PREX2: variants seen among roughly 807,000 people sequenced by gnomAD.
PREX2 encodes phosphatidylinositol-3,4,5-trisphosphate dependent Rac exchange factor 2, also known as phosphatidylinositol 3,4,5-trisphosphate-dependent Rac exchanger 2 protein.
In PREX2, 107 loss-of-function variants were observed where a neutral mutation model predicts 203.2. The ratio of observed to expected loss-of-function variants is 0.53; its 90% CI spans 0.45 to 0.62. The LOEUF is 0.62. Ranked by LOEUF, PREX2 falls within the 20% of genes least tolerant of loss-of-function variation. The probability of loss-of-function intolerance (pLI) is 0.00; values close to 1 mark genes in which losing one functional copy is unlikely to be tolerated. For missense variants in PREX2, 1,777 were observed against 1,955.9 expected (o/e 0.91, Z 1.72); for synonymous variants, 672 against 663.6 (o/e 1.01, Z -0.19).
At chr8:68,067,562 G>A (rs1388647656) in intron 11 of PREX2, among the ~76,000 whole-genome samples, 1 of 151,800 alleles carries the variant, frequency 6.6e-6, no homozygotes, top group East Asian at 1.9e-4. Flanking sequence ...AGTATATGGA[G>A]ACACTACTGA....
chr8:68,024,745 A>G (rs1273479102), intron 4 of PREX2, among the ~76,000 whole-genome samples: 1 of 151,798 alleles, frequency 6.6e-6, no homozygotes, highest in Non-Finnish European at 1.5e-5. Flanking sequence ...TTTTGTGTCA[A>G]TCAAGCATTT....
Position 68,190,973 on chromosome 8 carries a change from A to T in PREX2, c.4347-749A>T, listed in dbSNP as rs980861706. Among the ~76,000 whole-genome samples, 43 of 152,094 alleles carry T rather than the reference A, an allele frequency of 2.8e-4. 2 individuals carry two copies. The highest frequency in any genetic ancestry group is 2.7e-3 in the Admixed American group (41 of 15,266). ...GCAGGCCACTAGGATTCCACTTTGC[A>T]TATTAAAATGGCTATTTTAATACAC... On this transcript the variant is annotated intron_variant, in intron 35 of 39. Transcript: ENST00000288368.
intron 1 of PREX2, among the ~76,000 whole-genome samples, chr8:67,955,397 T>C (rs1378934448): frequency 2.0e-5 from 3 of 152,142 alleles, no homozygotes; most frequent in African/African-American, 7.2e-5. Context: ...TGAACAAAGC[T>C]CTGTGTCTTC....
chr8:67,981,163 G>A (rs1015517074), intron 1 of PREX2, among the ~76,000 whole-genome samples: 1 of 152,098 alleles, frequency 6.6e-6, no homozygotes, highest in Admixed American at 6.6e-5. Flanking sequence ...AAAGATGTTG[G>A]GTGTTTCCAA....
intron 1 of PREX2, among the ~76,000 whole-genome samples, chr8:68,004,070 T>C (rs1271171889): frequency 1.3e-5 from 2 of 152,108 alleles, no homozygotes; most frequent in Admixed American, 1.3e-4. Flanking sequence ...TTGGCCTGAC[T>C]CTTTTAACTC....
At position 68,032,084 on chromosome 8, in the gene PREX2, A is replaced by G. The variant is rs531054431; in HGVS notation, c.705+1426A>G. 1.9e-4 allele frequency among the ~76,000 whole-genome samples: 29 copies of G among 152,284 alleles called. No homozygotes were observed. The South Asian group carries it at 2.1e-3, about 11-fold the overall frequency. On this transcript the variant is annotated intron_variant, in intron 6 of 39. Coordinates refer to ENST00000288368, the MANE Select transcript of PREX2 (RefSeq NM_024870.4). ...TTATACAGTATACACCAGTTACTCA[A>G]AGGAAGAATGAATGTAGGTGGAACT...
At chr8:68,165,859 T>A (rs118010433) in intron 35 of PREX2, among the ~76,000 whole-genome samples, 72 of 152,304 alleles carry the variant, frequency 4.7e-4, no homozygotes, top group Non-Finnish European at 8.8e-5. Flanking sequence ...TACAAGAAGA[T>A]GTCCATAGTG....
intron 1 of PREX2, among the ~76,000 whole-genome samples, chr8:67,973,400 A>T (rs907451516): frequency 6.6e-6 from 1 of 152,146 alleles, no homozygotes; most frequent in Non-Finnish European, 1.5e-5. Context: ...AATCTCTCCG[A>T]TAGGGTTCTC....
At chr8:68,086,755 T>A (rs1010777188) in intron 18 of PREX2, among the ~76,000 whole-genome samples, 2 of 152,186 alleles carry the variant, frequency 1.3e-5, no homozygotes, top group Non-Finnish European at 2.9e-5. Context: ...CTTTTTTCTT[T>A]TTTTAATGTA....
chr8:68,018,881 T>C (rs1422936944), intron 2 of PREX2, among the ~76,000 whole-genome samples: 1 of 152,254 alleles, frequency 6.6e-6, no homozygotes, highest in Non-Finnish European at 1.5e-5. Flanking sequence ...CTTCTGACTC[T>C]ATTTCCCCAT....
At chr8:67,999,724 T>A (rs545277134) in intron 1 of PREX2, among the ~76,000 whole-genome samples, 1 of 152,284 alleles carries the variant, frequency 6.6e-6, no homozygotes, top group East Asian at 1.9e-4. Context: ...AACAAAATAC[T>A]TACAAACTGA....
intron 22 of PREX2, among the ~76,000 whole-genome samples, chr8:68,098,974 A>ATC (rs1440604593): frequency 9.9e-5 from 13 of 131,676 alleles, no homozygotes; most frequent in South Asian, 5.0e-4. Context: ...ATATATATAT[A>ATC]TATCTCACAT....
At chr8:68,053,000 C>T in intron 8 of PREX2, 97 bp from the exon 9 acceptor site, 2 of 1,028,412 alleles carry the variant, frequency 1.9e-6, no homozygotes, top group Non-Finnish European at 2.9e-6. Flanking sequence ...TTGAACAATT[C>T]AGTGGTTTTG....
At chr8:68,083,184 C>T (rs546741751) in intron 17 of PREX2, 56 bp from the exon 18 acceptor site, 2 of 1,374,316 alleles carry the variant, frequency 1.5e-6, no homozygotes, top group East Asian at 2.4e-5. Flanking sequence ...TTGTGAAAAA[C>T]TCAAAATTTC....
intron 33 of PREX2, among the ~76,000 whole-genome samples, chr8:68,138,893 G>A (rs1001475990): frequency 6.6e-6 from 1 of 152,096 alleles, no homozygotes; most frequent in Non-Finnish European, 1.5e-5. Context: ...AGGCTAGAAG[G>A]TGTAAGCTTC....
At chr8:67,968,046 A>G (rs760587834) in intron 1 of PREX2, among the ~76,000 whole-genome samples, 1 of 149,914 alleles carries the variant, frequency 6.7e-6, no homozygotes, top group Non-Finnish European at 1.5e-5. Flanking sequence ...CATGTTGTGC[A>G]CATGTACCCT....
chr8:67,989,670 T>C (rs1466304390), intron 1 of PREX2, among the ~76,000 whole-genome samples: 1 of 152,238 alleles, frequency 6.6e-6, no homozygotes, highest in African/African-American at 2.4e-5. Flanking sequence ...GTCTCAGTAT[T>C]ACGTAAAAAT....
chr8:67,976,539 CGGGAGAGAGACAG>C (rs1806099725), intron 1 of PREX2, among the ~76,000 whole-genome samples: 1 of 40,314 alleles, frequency 2.5e-5, no homozygotes. Flanking sequence ...GAGAGAGAGA[CGGGAGAGAGACAG>C]AGAGAGAGAG....
chr8:68,112,891 T>C (rs191592489), intron 25 of PREX2, among the ~76,000 whole-genome samples: 1 of 152,320 alleles, frequency 6.6e-6, no homozygotes, highest in Non-Finnish European at 1.5e-5. Context: ...GCATCGTGAC[T>C]GTCATGAAAG....
Sources: gnomAD v4.1 joint callset for allele counts (sites outside exome capture counted in the v4.1 genomes callset) on GRCh38, gnomAD v4.1.1 for gene constraint, MANE v1.5 for transcripts, NCBI Gene and HGNC (gene_info 2026-07-23, HGNC 2026-07-21) for gene names.